Variants in MCOLN2 observed in about 807,000 individuals in gnomAD.
The protein encoded by MCOLN2 is mucolipin-2.
A neutral mutation model predicts 67.5 loss-of-function variants in MCOLN2; 57 were observed. The ratio of observed to expected loss-of-function variants is 0.84; its 90% CI spans 0.68 to 1.05. The LOEUF (loss-of-function observed/expected upper bound fraction) is 1.05, where lower values mean the gene tolerates loss of function less well. Ranked by LOEUF, MCOLN2 falls within the 50% of genes least tolerant of loss-of-function variation. The pLI, the probability that MCOLN2 is intolerant of heterozygous loss-of-function variation, is 0.00. For missense variants in MCOLN2, 620 were observed against 678.8 expected (o/e 0.91, Z 0.96); for synonymous variants, 246 against 233.3 (o/e 1.05, Z -0.50).
chr1:84,941,323 C>T (rs548848978), intron 7 of MCOLN2, among the ~76,000 whole-genome samples: 3 of 152,136 alleles, frequency 2.0e-5, no homozygotes, highest in Middle Eastern at 3.4e-3. Context: ...GGTGAAACCC[C>T]GTCTGTACTA....
intron 12 of MCOLN2, 83 bp downstream of exon 12, chr1:84,931,279 A>T: frequency 1.1e-6 from 1 of 888,968 alleles, no homozygotes; most frequent in Non-Finnish European, 1.8e-6. Flanking sequence ...GTAATATTTT[A>T]AGTTTTTAAA....
Position 84,931,384 on chromosome 1 carries a change from G to A in MCOLN2, c.1520C>T (p.Thr507Ile), listed in dbSNP as rs763390401. ...MILSLFIALI[T>I]DSYDTIKKFQ... ...TACCTTAATGGTGTCATAAGAATCT[G>A]TAATAAGTGCAATAAAAAGACTGAG... The change falls in exon 12 of 14, where the codon ACA (threonine) becomes ATA (isoleucine). Residue 507 changes from threonine (T) to isoleucine (I), a missense_variant. Physicochemically the swap from Thr to Ile is moderately conservative, Grantham distance 89. Transcript: ENST00000370608. The A allele has an allele frequency of 1.5e-5, 23 of 1,580,046 alleles. No individual in the cohort carries two copies. Among genetic ancestry groups the A allele is most frequent in the Non-Finnish European group, 2.0e-5 (23 of 1,149,634 alleles).
chr1:84,987,589 CA>C lies in MCOLN2; in HGVS notation c.77+9206del, dbSNP rs1650663482. On this transcript the variant is annotated intron_variant, in intron 1 of 13. Transcript: ENST00000370608. ...ACATAGATGTATACATAGATATATA[CA>C]TATGTATATAGATGTATATCAATCT... Among the ~76,000 whole-genome samples the C allele has an allele frequency of 1.4e-3, 96 of 70,938 alleles. 1 individual carries two copies. The highest frequency in any genetic ancestry group is 1.4e-3 in the African/African-American group (31 of 21,454). The allele number at this position is 70,938 out of a possible 152,430, so 46.5% of individuals were successfully genotyped here.
intron 2 of MCOLN2, among the ~76,000 whole-genome samples, chr1:84,963,278 G>C (rs971758345): frequency 1.3e-5 from 2 of 152,194 alleles, no homozygotes; most frequent in Non-Finnish European, 2.9e-5. Flanking sequence ...CAAACACTAA[G>C]CTAACTGTTA....
chr1:84,941,541 G>C (rs1362974742), intron 7 of MCOLN2, among the ~76,000 whole-genome samples: 1 of 152,106 alleles, frequency 6.6e-6, no homozygotes, highest in African/African-American at 2.4e-5. Flanking sequence ...AACTATGTGA[G>C]CTGCTAATAA....
At chr1:84,949,476 A>C (rs574406390) in intron 6 of MCOLN2, among the ~76,000 whole-genome samples, 1 of 149,482 alleles carries the variant, frequency 6.7e-6, no homozygotes, top group Non-Finnish European at 1.5e-5. Flanking sequence ...GTCTCTACTA[A>C]AAATACAAAA....
In MCOLN2 at chr1:84,960,506, A is replaced by C. The variant is rs145293872; in HGVS notation, c.238-1804T>G. ...CACAGATGCTACTGTTCAGCATTTGAGTCTCACCATGTCACATTCCTCAAA... is the reference window on the plus strand; with the variant it reads ...CACAGATGCTACTGTTCAGCATTTGCGTCTCACCATGTCACATTCCTCAAA... On this transcript the variant is annotated intron_variant, in intron 2 of 13. Transcript: ENST00000370608. Among the ~76,000 whole-genome samples, 515 of 152,364 alleles carry C rather than the reference A, an allele frequency of 3.4e-3. 4 individuals carry two copies. Among genetic ancestry groups the C allele is most frequent in the Non-Finnish European group, 4.0e-3 (270 of 68,028 alleles).
At position 84,931,421 on chromosome 1, in the gene MCOLN2, TA is replaced by T; in HGVS notation, c.1482del (p.Phe494LeufsTer4). 1 of 1,601,648 alleles carries T rather than the reference TA, an allele frequency of 6.2e-7. No individual in the cohort carries two copies. The highest frequency in any genetic ancestry group is 8.6e-7 in the Non-Finnish European group (1 of 1,168,818). ...ATAAAAAGACTGAGAATCATATATA[TA>T]AAAAGGCTGATGAAGGAATATAAAT... ...RLYLYSFISL[F>X]IYMILSLFIA... On this transcript the variant is annotated frameshift_variant, in exon 12 of 14. Transcript: ENST00000370608. LOFTEE classifies it high-confidence loss of function.
intron 1 of MCOLN2, among the ~76,000 whole-genome samples, chr1:84,978,578 A>T (rs1650105635): frequency 6.6e-6 from 1 of 152,170 alleles, no homozygotes; most frequent in Admixed American, 6.5e-5. Flanking sequence ...TACTATGAGC[A>T]ACTATATACC....
intron 12 of MCOLN2, 142 bp from the exon 13 acceptor site, chr1:84,929,821 G>A (rs1661318781): frequency 1.6e-5 from 11 of 683,622 alleles, no homozygotes; most frequent in Non-Finnish European, 2.5e-5. Context: ...TTACAATGAT[G>A]AATCAATCTG....
chr1:84,956,535 T>C lies in MCOLN2; in HGVS notation c.461A>G (p.Asn154Ser). Residue 154 changes from asparagine (N) to serine (S), a missense_variant, in exon 4 of 14, where the codon AAT (asparagine) becomes AGT (serine). Physicochemically the swap from Asn to Ser is conservative, Grantham distance 46. Coordinates refer to ENST00000370608, the MANE Select transcript of MCOLN2 (RefSeq NM_153259.4). ...TTTTAAGCCAATTCTATTGTCTTCA[T>C]TTTCTCCATAACCAAGGGTCCCCAG... ...ITLGTLGYGE[N>S]EDNRIGLKVC... 1 of 1,611,508 alleles carries C rather than the reference T, an allele frequency of 6.2e-7. No individual in the cohort carries two copies. Among genetic ancestry groups the C allele is most frequent in the African/African-American group, 1.3e-5 (1 of 74,900 alleles).
At chr1:84,927,866 T>C (rs1276016739) in intron 13 of MCOLN2, among the ~76,000 whole-genome samples, 1 of 152,218 alleles carries the variant, frequency 6.6e-6, no homozygotes, top group East Asian at 1.9e-4. Context: ...GCAATCCTTC[T>C]GCCCTGGCCT....
intron 1 of MCOLN2, among the ~76,000 whole-genome samples, chr1:84,974,057 C>T (rs901163536): frequency 6.6e-6 from 1 of 152,170 alleles, no homozygotes; most frequent in Non-Finnish European, 1.5e-5. Flanking sequence ...GAAAACTGGA[C>T]CAAATTCAGC....
At chr1:84,965,752 C>T (rs768427309) in intron 1 of MCOLN2, 44 bp from the exon 2 acceptor site, 1 of 1,586,588 alleles carries the variant, frequency 6.3e-7, no homozygotes. Flanking sequence ...AAGCCTCTCC[C>T]TCAGTTCCTT....
At chr1:84,983,793 C>T in intron 1 of MCOLN2, among the ~76,000 whole-genome samples, 1 of 151,436 alleles carries the variant, frequency 6.6e-6, no homozygotes, top group East Asian at 1.9e-4. Context: ...TCTCCTGCCT[C>T]AGCCTCCCGA....
At chr1:84,947,451 A>G (rs1177250682) in intron 6 of MCOLN2, among the ~76,000 whole-genome samples, 1 of 152,176 alleles carries the variant, frequency 6.6e-6, no homozygotes, top group Non-Finnish European at 1.5e-5. Context: ...GCAACATAGG[A>G]AGGGGAGCAA....
chr1:84,981,644 T>G (rs1650260197), intron 1 of MCOLN2, among the ~76,000 whole-genome samples: 2 of 152,150 alleles, frequency 1.3e-5, no homozygotes, highest in African/African-American at 4.8e-5. Context: ...GAAGGATGGT[T>G]ACCAGCGGCT....
At chr1:84,935,539 C>T (rs762121166) in intron 11 of MCOLN2, among the ~76,000 whole-genome samples, 5 of 151,834 alleles carry the variant, frequency 3.3e-5, no homozygotes, top group African/African-American at 4.8e-5. Flanking sequence ...AAATATCCAC[C>T]AGATCAAAAA....
At chr1:84,928,039 T>C (rs1422836051) in intron 13 of MCOLN2, among the ~76,000 whole-genome samples, 1 of 152,182 alleles carries the variant, frequency 6.6e-6, no homozygotes. Context: ...GGCCCTTCAT[T>C]CACTCTGCAG....
Sources: allele counts gnomAD v4.1 joint callset (sites outside exome capture counted in the v4.1 genomes callset), GRCh38; gene constraint gnomAD v4.1.1; transcripts MANE v1.5; gene names NCBI Gene and HGNC (gene_info 2026-07-23, HGNC 2026-07-21).